Variants in ANKFY1 observed in about 807,000 individuals in gnomAD.
The protein encoded by ANKFY1 is ankyrin repeat and FYVE domain containing 1, also known as ankyrin repeat and FYVE domain-containing protein 1.
A neutral mutation model predicts 128.3 loss-of-function variants in ANKFY1; 47 were observed. The ratio of observed to expected loss-of-function variants is 0.37; its 90% CI spans 0.29 to 0.47. The LOEUF (loss-of-function observed/expected upper bound fraction) is 0.47. Among genes scored for constraint, ANKFY1 ranks in the 20% least tolerant of loss-of-function variants. ANKFY1 has a pLI of 1.00. For synonymous variants in ANKFY1, 553 were observed against 601.6 expected, an observed-to-expected ratio of 0.92 and a Z score of 1.18; for missense variants, 1,222 against 1,510.6, an observed-to-expected ratio of 0.81 and a Z score of 3.17.
At chr17:4,210,004 C>T in intron 4 of ANKFY1, 57 bp from the exon 5 acceptor site, 8 of 1,543,916 alleles carry the variant, frequency 5.2e-6, no homozygotes, top group Non-Finnish European at 7.1e-6. Flanking sequence ...CACAAACGAA[C>T]AAACCAAAGC....
intron 3 of ANKFY1, among the ~76,000 whole-genome samples, chr17:4,233,684 A>T (rs1284050009): frequency 6.6e-6 from 1 of 152,076 alleles, no homozygotes; most frequent in Admixed American, 6.6e-5. Context: ...TTCCTTTATC[A>T]CCCCAACTTA....
At chr17:4,225,950 A>T (rs1168811914) in intron 3 of ANKFY1, among the ~76,000 whole-genome samples, 1 of 151,948 alleles carries the variant, frequency 6.6e-6, no homozygotes, top group Admixed American at 6.6e-5. Flanking sequence ...TTTGGAAGAG[A>T]TGGGGTTTTG....
At chr17:4,201,160 A>G (rs1246739231) in intron 7 of ANKFY1, among the ~76,000 whole-genome samples, 1 of 152,140 alleles carries the variant, frequency 6.6e-6, no homozygotes, top group Non-Finnish European at 1.5e-5. Flanking sequence ...CCTCCCAAGT[A>G]GCTAGGGGTA....
chr17:4,201,333 G>A (rs981561433), intron 7 of ANKFY1, among the ~76,000 whole-genome samples: 8 of 152,062 alleles, frequency 5.3e-5, no homozygotes, highest in African/African-American at 7.2e-5. Context: ...CGCCCAGGCC[G>A]ATTGTCTCTT....
At chr17:4,244,523 C>G (rs1967428548) in intron 1 of ANKFY1, among the ~76,000 whole-genome samples, 1 of 152,106 alleles carries the variant, frequency 6.6e-6, no homozygotes, top group Admixed American at 6.5e-5. Context: ...CTACAATCAT[C>G]CTCCGGGCCT....
At chr17:4,263,797 G>A in intron 1 of ANKFY1, 135 bp downstream of exon 1, 9 of 1,602,114 alleles carry the variant, frequency 5.6e-6, no homozygotes, top group Non-Finnish European at 3.4e-6. Context: ...GGAGAGGCTA[G>A]ACAGGAAGGC....
chr17:4,215,307 TAA>T (rs960421555), intron 4 of ANKFY1, among the ~76,000 whole-genome samples: 1 of 148,626 alleles, frequency 6.7e-6, no homozygotes, highest in African/African-American at 2.5e-5. Flanking sequence ...AAAAAAAAAT[TAA>T]GAGTATTTTC....
At position 4,189,371 on chromosome 17, in the gene ANKFY1, G is replaced by A. The variant is rs771559014; in HGVS notation, c.1470+11C>T. 2.5e-5 allele frequency: 39 copies of A among 1,564,244 alleles called. No homozygotes were observed. In the Admixed American group the frequency reaches 6.9e-4, roughly 28 times the overall value. On this transcript the variant is annotated intron_variant, in intron 11 of 24. Transcript: ENST00000341657. Reference sequence around the variant, plus strand: ...CAACACCATTTTCTCCGGCTGCCCTGTCACACTTACCCACTTGTTTCTGTG... The same window carrying A: ...CAACACCATTTTCTCCGGCTGCCCTATCACACTTACCCACTTGTTTCTGTG...
chr17:4,222,871 C>A, intron 3 of ANKFY1: 1 of 970,204 alleles, frequency 1.0e-6, no homozygotes, highest in Non-Finnish European at 1.7e-6. Flanking sequence ...ACTCAGTATC[C>A]GAGAGCTGAC....
chr17:4,263,334 C>A (rs1334752633), intron 1 of ANKFY1, among the ~76,000 whole-genome samples: 1 of 152,186 alleles, frequency 6.6e-6, no homozygotes. Flanking sequence ...GTGACCTTGG[C>A]CAACTCCCTT....
At chr17:4,217,246 A>C (rs2060235993) in intron 3 of ANKFY1, 128 bp from the exon 4 acceptor site, 6 of 1,074,832 alleles carry the variant, frequency 5.6e-6, no homozygotes, top group Non-Finnish European at 7.9e-6. Context: ...AATATTACAC[A>C]GTCATTAAAA....
intron 1 of ANKFY1, among the ~76,000 whole-genome samples, chr17:4,260,126 A>G (rs1968331065): frequency 6.6e-6 from 1 of 152,210 alleles, no homozygotes; most frequent in Non-Finnish European, 1.5e-5. Flanking sequence ...ACTGGAATAT[A>G]TTTTAAGATT....
Position 4,173,453 on chromosome 17 carries a change from T to G in ANKFY1, c.2924-9A>C, listed in dbSNP as rs1033163066. ...GACAGCAAGATGAAGAGCTGGGAAG[T>G]AAATCCTCTTACTATGCAAGCCCAG... On this transcript the variant is annotated splice_polypyrimidine_tract_variant and intron_variant, in intron 20 of 24. Coordinates refer to ENST00000341657, the MANE Select transcript of ANKFY1 (RefSeq NM_001330063.2). 3 of 1,613,122 alleles carry G rather than the reference T, an allele frequency of 1.9e-6. No individual in the cohort carries two copies. Among genetic ancestry groups the G allele is most frequent in the South Asian group, 2.2e-5 (2 of 91,060 alleles).
chr17:4,190,155 A>G (rs1179018470), intron 10 of ANKFY1, among the ~76,000 whole-genome samples: 1 of 152,170 alleles, frequency 6.6e-6, no homozygotes, highest in Non-Finnish European at 1.5e-5. Context: ...ATGTCTGTAG[A>G]TGTTGGCCAG....
At position 4,236,018 on chromosome 17, in the gene ANKFY1, G is replaced by T. The variant is rs1370068774; in HGVS notation, c.204-128C>A. 6 of 660,638 alleles carry T rather than the reference G, an allele frequency of 9.1e-6. No homozygotes were observed. The East Asian group carries it at 1.6e-4, about 17-fold the overall frequency. 40.9% of individuals were successfully genotyped at this position (660,638 alleles called of 1,614,324 possible). On this transcript the variant is annotated intron_variant, in intron 2 of 24. Coordinates refer to ENST00000341657, the MANE Select transcript of ANKFY1 (RefSeq NM_001330063.2). ...CTGCAAAAGAAAAAATTACAGCGAA[G>T]AATTATTCCTATATGCTAGCACTGA...
In ANKFY1 at chr17:4,181,553, T is replaced by C. The variant is rs1208380165; in HGVS notation, c.2122-181A>G. On this transcript the variant is annotated intron_variant, in intron 15 of 24. Coordinates refer to ENST00000341657, the MANE Select transcript of ANKFY1 (RefSeq NM_001330063.2). This position sits in a 1 kb window ranked among gnomAD's most constrained non-coding sequence, Gnocchi z 4.9. ...TTTACAAACACTAATTAAAATTTGC[T>C]GTGTGCAAGTTCGTGCACTAGGTCC... Among the ~76,000 whole-genome samples, 1 of 152,272 alleles carries C rather than the reference T, an allele frequency of 6.6e-6. No individual in the cohort carries two copies. Among genetic ancestry groups the C allele is most frequent in the East Asian group, 1.9e-4 (1 of 5,204 alleles).
At chr17:4,238,380 G>A (rs1324230056) in intron 2 of ANKFY1, among the ~76,000 whole-genome samples, 1 of 151,852 alleles carries the variant, frequency 6.6e-6, no homozygotes, top group African/African-American at 2.4e-5. Context: ...ACCACATCTC[G>A]ACAGCTTAGT....
At chr17:4,263,723 G>T (rs1266848149) in intron 1 of ANKFY1, 2 of 1,482,404 alleles carry the variant, frequency 1.3e-6, no homozygotes, top group Non-Finnish European at 1.8e-6. Flanking sequence ...GTCCCGCGGG[G>T]TCGGCATCGC....
At chr17:4,260,173 A>G (rs1480114073) in intron 1 of ANKFY1, among the ~76,000 whole-genome samples, 3 of 152,322 alleles carry the variant, frequency 2.0e-5, no homozygotes, top group South Asian at 2.1e-4. Flanking sequence ...GAGGGGCAGG[A>G]GTATTAAGAA....
Sources: allele counts gnomAD v4.1 joint callset (sites outside exome capture counted in the v4.1 genomes callset), GRCh38; gene constraint gnomAD v4.1.1; non-coding constraint Gnocchi (gnomAD v3.1); transcripts MANE v1.5; gene names NCBI Gene and HGNC (gene_info 2026-07-23, HGNC 2026-07-21).